CNTN5: variants seen among roughly 807,000 people sequenced by gnomAD.
CNTN5 encodes contactin-5.
In CNTN5, 77 loss-of-function variants were observed where a neutral mutation model predicts 129.1. That is an observed-to-expected ratio of 0.60 (90% CI 0.50 to 0.72). CNTN5 has a LOEUF of 0.72. CNTN5 is among the 30% of genes least tolerant of loss of function. The probability of loss-of-function intolerance (pLI) is 0.00; values close to 1 mark genes in which losing one functional copy is unlikely to be tolerated. For missense variants in CNTN5, 1,478 were observed against 1,328.8 expected, an observed-to-expected ratio of 1.11 and a Z score of -1.75; for synonymous variants, 509 against 465.6, an observed-to-expected ratio of 1.09 and a Z score of -1.20.
chr11:99,212,020 G>A (rs1244033077), intron 1 of CNTN5, among the ~76,000 whole-genome samples: 1 of 151,990 alleles, frequency 6.6e-6, no homozygotes, highest in South Asian at 2.1e-4. Context: ...ACAACTTTCC[G>A]GCCAGTGCAG....
chr11:100,291,621 G>A (rs1246884810), intron 18 of CNTN5, among the ~76,000 whole-genome samples: 2 of 151,838 alleles, frequency 1.3e-5, no homozygotes, highest in South Asian at 4.2e-4. Context: ...GGAAGGGGGA[G>A]GGATAGCATT....
intron 13 of CNTN5, among the ~76,000 whole-genome samples, chr11:100,133,554 A>G (rs1381685542): frequency 2.0e-5 from 3 of 152,138 alleles, no homozygotes; most frequent in Non-Finnish European, 4.4e-5. Flanking sequence ...TTGGGAATGT[A>G]TTTATAAGGG....
chr11:100,335,577 G>A (rs1474135287), intron 21 of CNTN5, among the ~76,000 whole-genome samples: 2 of 152,070 alleles, frequency 1.3e-5, no homozygotes, highest in Non-Finnish European at 2.9e-5. Context: ...AGACCAGCCC[G>A]GCCAACATGG....
intron 8 of CNTN5, among the ~76,000 whole-genome samples, chr11:99,973,049 TAAAA>T (rs1386077270): frequency 2.6e-5 from 4 of 151,848 alleles, no homozygotes; most frequent in African/African-American, 7.3e-5. Flanking sequence ...TAGGGTTGCC[TAAAA>T]AAAGGTGAAT....
intron 23 of CNTN5, among the ~76,000 whole-genome samples, chr11:100,343,061 G>A (rs976947482): frequency 6.6e-6 from 1 of 152,142 alleles, no homozygotes; most frequent in Non-Finnish European, 1.5e-5. Flanking sequence ...CCATTTCTTA[G>A]TGTTGTTGGA....
chr11:99,639,889 G>T (rs1287777468), intron 3 of CNTN5, among the ~76,000 whole-genome samples: 2 of 151,934 alleles, frequency 1.3e-5, no homozygotes, highest in East Asian at 3.9e-4. Context: ...ATGCTTTGTT[G>T]CTTAGAAATT....
intron 3 of CNTN5, among the ~76,000 whole-genome samples, chr11:99,747,157 G>A (rs1182632369): frequency 6.6e-6 from 1 of 151,956 alleles, no homozygotes; most frequent in African/African-American, 2.4e-5. Flanking sequence ...ATTTATTCCT[G>A]TGATTCTTTT....
chr11:99,213,399 T>C (rs1859933564), intron 1 of CNTN5, among the ~76,000 whole-genome samples: 1 of 138,610 alleles, frequency 7.2e-6, no homozygotes, highest in South Asian at 2.1e-4. Flanking sequence ...CACGTGTATA[T>C]ATACACATAT....
chr11:99,439,832 A>T (rs1943755817), intron 2 of CNTN5, among the ~76,000 whole-genome samples: 1 of 152,152 alleles, frequency 6.6e-6, no homozygotes, highest in South Asian at 2.1e-4. Context: ...AACAATTAAG[A>T]TTCACAAATC....
At chr11:99,631,185 G>T (rs1049938548) in intron 3 of CNTN5, among the ~76,000 whole-genome samples, 13 of 152,048 alleles carry the variant, frequency 8.5e-5, no homozygotes, top group African/African-American at 3.1e-4. Flanking sequence ...TGGAGTATAA[G>T]ATTTTGAGAT....
At chr11:99,032,618 G>GT (rs1453868502) in intron 1 of CNTN5, among the ~76,000 whole-genome samples, 1 of 152,076 alleles carries the variant, frequency 6.6e-6, no homozygotes. Context: ...GGGGTTGTTT[G>GT]TTTTTTTCTT....
chr11:99,039,112 T>C (rs1311161559), intron 1 of CNTN5, among the ~76,000 whole-genome samples: 2 of 152,168 alleles, frequency 1.3e-5, no homozygotes, highest in African/African-American at 4.8e-5. Context: ...TTTTGAAAAC[T>C]GAATTAAGAA....
chr11:99,842,374 A>G (rs1051764308), intron 4 of CNTN5, among the ~76,000 whole-genome samples: 7 of 152,212 alleles, frequency 4.6e-5, no homozygotes, highest in Non-Finnish European at 1.0e-4. Flanking sequence ...TATTAATCAC[A>G]ATTTATTCAG....
chr11:100,078,769 T>A (rs1944245173), intron 13 of CNTN5, among the ~76,000 whole-genome samples: 1 of 152,088 alleles, frequency 6.6e-6, no homozygotes, highest in Non-Finnish European at 1.5e-5. Context: ...TCAGTGAATG[T>A]TATGTATAAT....
intron 1 of CNTN5, among the ~76,000 whole-genome samples, chr11:99,164,540 G>A (rs528223367): frequency 2.0e-4 from 31 of 152,162 alleles, no homozygotes; most frequent in African/African-American, 5.3e-4. Context: ...ATATAGTTAC[G>A]TAGTACAATT....
intron 1 of CNTN5, among the ~76,000 whole-genome samples, chr11:99,248,587 T>C (rs1861938694): frequency 6.6e-6 from 1 of 152,226 alleles, no homozygotes; most frequent in Admixed American, 6.5e-5. Context: ...AGGATTTTTA[T>C]GGTTTTAGGT....
chr11:100,071,911 G>T, intron 12 of CNTN5, 77 bp downstream of exon 12: 1 of 1,248,948 alleles, frequency 8.0e-7, no homozygotes, highest in Non-Finnish European at 1.1e-6. Flanking sequence ...CTATACTGAA[G>T]GTTTATGATG....
rs1157026173 is a variant in CNTN5, at chr11:100,035,147, AT to A, written c.981-26064del. Among the ~76,000 whole-genome samples the A allele has an allele frequency of 8.1e-3, 1,227 of 151,716 alleles. 13 individuals are homozygous for A. Among genetic ancestry groups the A allele is most frequent in the African/African-American group, 0.025 (1,036 of 41,334 alleles). On this transcript the variant is annotated intron_variant, in intron 9 of 24. Transcript: ENST00000524871. ...TCCTCCCACCCCACAACAGTCCCCG[AT>A]GTGTGATGTTCCCCTTCCTGTGTCC...
intron 13 of CNTN5, among the ~76,000 whole-genome samples, chr11:100,173,159 G>A (rs1947871798): frequency 6.6e-6 from 1 of 152,100 alleles, no homozygotes; most frequent in African/African-American, 2.4e-5. Flanking sequence ...CACCAGCTCT[G>A]CTTATCCAAA....
Sources: allele counts gnomAD v4.1 joint callset (sites outside exome capture counted in the v4.1 genomes callset), GRCh38; gene constraint gnomAD v4.1.1; transcripts MANE v1.5; gene names NCBI Gene and HGNC (gene_info 2026-07-23, HGNC 2026-07-21).